The following ZNF652 variants were observed in gnomAD, a reference collection of about 807,000 sequenced individuals.
ZNF652 encodes zinc finger protein 652.
In ZNF652, 16 loss-of-function variants were observed where a neutral mutation model predicts 45.2. That is an observed-to-expected ratio of 0.35 (90% CI 0.24 to 0.54). The LOEUF is 0.54. Ranked by LOEUF, ZNF652 falls within the 20% of genes least tolerant of loss-of-function variation. ZNF652 has a pLI of 0.91. For missense variants in ZNF652, 614 were observed against 765.6 expected (o/e 0.80, Z 2.34); for synonymous variants, 250 against 260.6 (o/e 0.96, Z 0.39).
At chr17:49,344,900 A>G (rs1158971439) in intron 1 of ZNF652, among the ~76,000 whole-genome samples, 1 of 152,204 alleles carries the variant, frequency 6.6e-6, no homozygotes, top group Non-Finnish European at 1.5e-5. Flanking sequence ...AGTTTTGATC[A>G]CAGAAACATT....
Position 49,353,217 on chromosome 17 carries a change from C to T in ZNF652, c.-259+8692G>A, listed in dbSNP as rs1271930700. 2.0e-5 allele frequency among the ~76,000 whole-genome samples: 3 copies of T among 152,168 alleles called. No individual in the cohort carries two copies. In the East Asian group the frequency reaches 5.8e-4, roughly 29 times the overall value. On this transcript the variant is annotated intron_variant, in intron 1 of 5. Transcript: ENST00000430262. ...TTTTCTGGAGGGGCAGGGTCTCACC[C>T]TGTCACCAGGCTGGCATGGAGTGGC... is the stretch of plus-strand genomic sequence containing the variant.
intron 5 of ZNF652, among the ~76,000 whole-genome samples, chr17:49,301,561 G>A (rs1018109797): frequency 6.6e-6 from 1 of 151,398 alleles, no homozygotes; most frequent in Admixed American, 6.6e-5. Flanking sequence ...GCCTCCCAAA[G>A]TGCTGGGATT....
At chr17:49,339,332 T>A (rs1023692278) in intron 1 of ZNF652, among the ~76,000 whole-genome samples, 12 of 112,110 alleles carry the variant, frequency 1.1e-4, no homozygotes, top group African/African-American at 3.6e-4. Flanking sequence ...TTTTTTTTTT[T>A]AAGTGTATTT....
At chr17:49,328,707 A>C (rs1451481983) in intron 1 of ZNF652, among the ~76,000 whole-genome samples, 1 of 152,204 alleles carries the variant, frequency 6.6e-6, no homozygotes, top group Non-Finnish European at 1.5e-5. Flanking sequence ...ACAGAAGCCA[A>C]GCAGATGTTG....
At chr17:49,307,898 A>G (rs1282869460) in intron 5 of ZNF652, among the ~76,000 whole-genome samples, 2 of 152,248 alleles carry the variant, frequency 1.3e-5, no homozygotes, top group African/African-American at 4.8e-5. Context: ...TTTATAAGAA[A>G]TATATAGCCA....
intron 1 of ZNF652, among the ~76,000 whole-genome samples, chr17:49,333,545 T>TAAAAAAAAA (rs1182199037): frequency 1.9e-4 from 9 of 48,110 alleles, no homozygotes; most frequent in Non-Finnish European, 3.3e-4. Flanking sequence ...CTGTCTCTAC[T>TAAAAAAAAA]AAAAAAAAAA....
rs951244454 is a variant in ZNF652 at position 49,296,930 on chromosome 17, G to T, written c.*1483C>A. The T allele has an allele frequency of 6.6e-6, 1 of 152,160 alleles. No individual in the cohort carries two copies. The highest frequency in any genetic ancestry group is 2.1e-4 in the South Asian group (1 of 4,832). 9.4% of individuals were successfully genotyped at this position (152,160 alleles called of 1,614,324 possible). On this transcript the variant is annotated 3_prime_UTR_variant, in exon 6 of 6. Transcript: ENST00000430262. ...AGCTCCTGGTTGATTATGGTCTTTT[G>T]AAGTTCCCCAAACTTGAAAAAGTAA...
chr17:49,334,478 T>C (rs985515663), intron 1 of ZNF652, among the ~76,000 whole-genome samples: 1 of 151,884 alleles, frequency 6.6e-6, no homozygotes, highest in African/African-American at 2.4e-5. Flanking sequence ...AGTGAGACCC[T>C]GTCTCAAAAA....
At chr17:49,315,007 C>A (rs1295308118) in intron 2 of ZNF652, among the ~76,000 whole-genome samples, 1 of 151,766 alleles carries the variant, frequency 6.6e-6, no homozygotes, top group African/African-American at 2.4e-5. Context: ...CAGGTGTGAG[C>A]CACTGCACCC....
chr17:49,320,744 T>C (rs2069878339), intron 1 of ZNF652, among the ~76,000 whole-genome samples: 1 of 152,200 alleles, frequency 6.6e-6, no homozygotes, highest in Non-Finnish European at 1.5e-5. Flanking sequence ...TTCAATTAAC[T>C]AGCAAAAGCT....
chr17:49,310,264 T>A (rs2069691961), intron 5 of ZNF652, among the ~76,000 whole-genome samples: 1 of 152,220 alleles, frequency 6.6e-6, no homozygotes, highest in Non-Finnish European at 1.5e-5. Flanking sequence ...TCTGTTGTTC[T>A]TTCTAGCTCC....
rs1377505703 is a variant in ZNF652, at chr17:49,291,559, CAG to C, written c.*6852_*6853del. On this transcript the variant is annotated 3_prime_UTR_variant, in exon 6 of 6. Coordinates refer to ENST00000430262, the MANE Select transcript of ZNF652 (RefSeq NM_001145365.3). ...ACTGGAAAGCTATGGGAACACTTCT[CAG>C]GGGCAGGAACTCCCTTGAATGTGTG... The C allele has an allele frequency of 6.6e-6, 1 of 152,198 alleles. No individual in the cohort carries two copies. The highest frequency in any genetic ancestry group is 6.5e-5 in the Admixed American group (1 of 15,278). The allele number at this position is 152,198 out of a possible 1,614,324, so 9.4% of individuals were successfully genotyped here.
intron 1 of ZNF652, among the ~76,000 whole-genome samples, chr17:49,348,267 A>C (rs2070228215): frequency 6.6e-6 from 1 of 151,880 alleles, no homozygotes; most frequent in Admixed American, 6.6e-5. Context: ...GAGGTGAGAG[A>C]ATCTCTTGAG....
chr17:49,307,588 A>T (rs1206914253), intron 5 of ZNF652, among the ~76,000 whole-genome samples: 5 of 145,120 alleles, frequency 3.4e-5, no homozygotes, highest in African/African-American at 1.3e-4. Flanking sequence ...TAAAAATACA[A>T]AAAAAAAAAA....
intron 1 of ZNF652, among the ~76,000 whole-genome samples, chr17:49,336,340 T>TG (rs35550828): frequency 2.1e-5 from 3 of 146,126 alleles, no homozygotes; most frequent in Non-Finnish European, 3.1e-5. Flanking sequence ...TTTTTTTTTT[T>TG]GGAGACAGAG....
intron 1 of ZNF652, among the ~76,000 whole-genome samples, chr17:49,322,175 A>G (rs148938003): frequency 2.0e-5 from 3 of 152,350 alleles, no homozygotes; most frequent in East Asian, 3.9e-4. Context: ...GCTACAATGC[A>G]TATTTCTCTA....
Position 49,292,159 on chromosome 17 carries a change from C to A in ZNF652, c.*6254G>T, listed in dbSNP as rs757123340. Among the ~76,000 whole-genome samples, 56 of 152,026 alleles carry A rather than the reference C, an allele frequency of 3.7e-4. No individual in the cohort carries two copies. Among genetic ancestry groups the A allele is most frequent in the Non-Finnish European group, 2.9e-5 (2 of 68,014 alleles). On this transcript the variant is annotated 3_prime_UTR_variant, in exon 6 of 6. Coordinates refer to ENST00000430262, the MANE Select transcript of ZNF652 (RefSeq NM_001145365.3). ...CTGACTAAGGCCCAAATGCTCAACTCCAAGCTTTCATTCACCTAAAAAAAT... is the reference window on the plus strand; with the variant it reads ...CTGACTAAGGCCCAAATGCTCAACTACAAGCTTTCATTCACCTAAAAAAAT...
chr17:49,344,763 C>T (rs988605629), intron 1 of ZNF652, among the ~76,000 whole-genome samples: 16 of 152,128 alleles, frequency 1.1e-4, no homozygotes, highest in African/African-American at 3.4e-4. Context: ...TCAGGCAATC[C>T]GCCTGCCTCA....
At chr17:49,312,209 A>G (rs964105836) in intron 3 of ZNF652, among the ~76,000 whole-genome samples, 167 bp from the exon 4 acceptor site, 1 of 128,432 alleles carries the variant, frequency 7.8e-6, no homozygotes, top group Non-Finnish European at 1.5e-5. Flanking sequence ...TCTGTCGCAC[A>G]GGCCGGAGTG....
Sources: gnomAD v4.1 joint callset for allele counts (sites outside exome capture counted in the v4.1 genomes callset) on GRCh38, gnomAD v4.1.1 for gene constraint, MANE v1.5 for transcripts, NCBI Gene and HGNC (gene_info 2026-07-23, HGNC 2026-07-21) for gene names.